TNS1: variants seen among roughly 807,000 people sequenced by gnomAD.
The protein encoded by TNS1 is tensin-1.
Under a neutral mutation model 168.6 loss-of-function variants are expected in TNS1, and 62 were observed. The observed-to-expected ratio is 0.37, with a 90% CI of 0.30 to 0.45. The LOEUF (loss-of-function observed/expected upper bound fraction) is 0.45. Among genes scored for constraint, TNS1 ranks in the 20% least tolerant of loss-of-function variants. The pLI is 1.00. For synonymous variants in TNS1, 934 were observed against 933.2 expected, an observed-to-expected ratio of 1.00 and a Z score of -0.02; for missense variants, 2,240 against 2,339.4, an observed-to-expected ratio of 0.96 and a Z score of 0.88.
chr2:217,940,284 G>C (rs1312381226), intron 3 of TNS1, among the ~76,000 whole-genome samples: 3 of 152,200 alleles, frequency 2.0e-5, no homozygotes, highest in Non-Finnish European at 4.4e-5. Flanking sequence ...TTATTTGGAG[G>C]CTGGTAACTG....
At chr2:217,895,147 G>T (rs1408127178) in intron 8 of TNS1, 91 bp from the exon 9 acceptor site, 1 of 1,317,076 alleles carries the variant, frequency 7.6e-7, no homozygotes, top group South Asian at 1.3e-5. Flanking sequence ...GTCCCAGAAA[G>T]GACCGTGGCA....
rs867725120 is a variant in TNS1, at chr2:217,966,674, A to G, written c.186+12091T>C. Among the ~76,000 whole-genome samples, 22 of 152,312 alleles carry G rather than the reference A, an allele frequency of 1.4e-4. No individual in the cohort carries two copies. The Middle Eastern group carries it at 0.01, about 71-fold the overall frequency. Reference sequence around the variant, plus strand: ...GGGCAGGAGTATGCTGAACAGGCTCACCAAGCGATGCTGAGGCTCACTGAA... The same window carrying G: ...GGGCAGGAGTATGCTGAACAGGCTCGCCAAGCGATGCTGAGGCTCACTGAA... On this transcript the variant is annotated intron_variant, in intron 3 of 32. Coordinates refer to ENST00000682258, the MANE Select transcript of TNS1 (RefSeq NM_001387777.1).
intron 3 of TNS1, among the ~76,000 whole-genome samples, chr2:217,943,425 C>T (rs1310853746): frequency 6.6e-6 from 1 of 152,160 alleles, no homozygotes; most frequent in Non-Finnish European, 1.5e-5. Flanking sequence ...AATACTCATC[C>T]CCCTGCAATG....
At chr2:217,944,858 G>T (rs1957063963) in intron 3 of TNS1, among the ~76,000 whole-genome samples, 1 of 152,128 alleles carries the variant, frequency 6.6e-6, no homozygotes, top group Non-Finnish European at 1.5e-5. Context: ...AAAAATAATG[G>T]GGGAAGTGAT....
intron 7 of TNS1, among the ~76,000 whole-genome samples, chr2:217,899,521 G>T (rs1465166147): frequency 1.3e-5 from 2 of 152,146 alleles, no homozygotes; most frequent in Admixed American, 1.3e-4. Context: ...ACCCCTCTCT[G>T]TTCTGGCTCC....
chr2:217,835,269 C>T (rs2125320047), intron 20 of TNS1, 103 bp from the exon 21 acceptor site: 2 of 1,087,662 alleles, frequency 1.8e-6, no homozygotes, highest in Non-Finnish European at 2.6e-6. Flanking sequence ...CCAGCCCCCA[C>T]ATCCCCTCGT....
At position 217,818,128 on chromosome 2, in the gene TNS1, G is replaced by A. The variant is rs1942207425; in HGVS notation, c.4204C>T (p.Pro1402Ser). Reference protein sequence around the residue: ...HSNAIASPGSPSLGRHLGGSG... With the variant: ...HSNAIASPGSSSLGRHLGGSG... ...CCTCCGAGGTGACGGCCCAGGCTGG[G>A]GCTTCCAGGGCTGGCTATTGCATTG... Residue 1402 changes from proline (P) to serine (S), a missense_variant, in exon 24 of 33, where the codon CCC (proline) becomes TCC (serine). Coordinates refer to ENST00000682258, the MANE Select transcript of TNS1 (RefSeq NM_001387777.1). 1.2e-6 allele frequency: 2 copies of A among 1,613,986 alleles called. No individual in the cohort carries two copies. Among genetic ancestry groups the A allele is most frequent in the Non-Finnish European group, 1.7e-6 (2 of 1,179,972 alleles).
chr2:217,923,825 G>A (rs933155877), intron 3 of TNS1, among the ~76,000 whole-genome samples: 2 of 152,194 alleles, frequency 1.3e-5, no homozygotes, highest in African/African-American at 2.4e-5. Flanking sequence ...GCTGCGAGGT[G>A]GAGCCCCGTG....
At chr2:217,921,850 G>A (rs988835465) in intron 3 of TNS1, among the ~76,000 whole-genome samples, 2 of 152,260 alleles carry the variant, frequency 1.3e-5, no homozygotes, top group Admixed American at 1.3e-4. Flanking sequence ...AACCCAGTAA[G>A]GTGGGTTACT....
At chr2:217,808,528 T>C (rs868549872) in intron 31 of TNS1, 75 bp downstream of exon 31, 25 of 1,289,884 alleles carry the variant, frequency 1.9e-5, no homozygotes, top group Middle Eastern at 1.9e-4. Context: ...CACACACACA[T>C]GCACATGCAT....
chr2:217,816,330 A>G (rs1043191593), intron 24 of TNS1, among the ~76,000 whole-genome samples: 1 of 152,208 alleles, frequency 6.6e-6, no homozygotes, highest in Non-Finnish European at 1.5e-5. Context: ...TCAGAGACAG[A>G]AGTTGGCATG....
intron 3 of TNS1, among the ~76,000 whole-genome samples, chr2:217,929,703 C>G (rs950072459): frequency 1.2e-3 from 177 of 150,080 alleles, no homozygotes; most frequent in African/African-American, 4.0e-3. Context: ...CTCCACCCCC[C>G]ACCCGCCCCG....
At chr2:217,992,128 AG>A (rs1466267492) in intron 1 of TNS1, among the ~76,000 whole-genome samples, 2 of 151,836 alleles carry the variant, frequency 1.3e-5, no homozygotes, top group African/African-American at 4.8e-5. Flanking sequence ...ACTGCGGGGC[AG>A]GGGGGCCTAT....
chr2:217,818,733 C>T lies in TNS1; in HGVS notation c.3599G>A (p.Gly1200Glu). Residue 1200 changes from glycine (G) to glutamate (E), a missense_variant, in exon 24 of 33, where the codon GGA becomes GAA. Physicochemically the swap from Gly to Glu is moderately conservative, Grantham distance 98. Coordinates refer to ENST00000682258, the MANE Select transcript of TNS1 (RefSeq NM_001387777.1). ...CCGGGGACCCTGGTCACTGCTCTCT[C>T]CCGACGGGAAACTCCCCACTGAAGT... ...DSTSVGSFPS[G>E]ESSDQGPRTP... The T allele has an allele frequency of 6.2e-7, 1 of 1,612,540 alleles. No individual in the cohort carries two copies. Among genetic ancestry groups the T allele is most frequent in the Non-Finnish European group, 8.5e-7 (1 of 1,179,248 alleles).
intron 1 of TNS1, among the ~76,000 whole-genome samples, chr2:217,994,562 A>C (rs575716604): frequency 7.2e-5 from 11 of 152,166 alleles, no homozygotes; most frequent in Admixed American, 7.2e-4. Context: ...CCCAAACCCT[A>C]GGGATATAGG....
chr2:217,818,227 T>C lies in TNS1; in HGVS notation c.4105A>G (p.Thr1369Ala). The C allele has an allele frequency of 6.2e-7, 1 of 1,613,752 alleles. No individual in the cohort carries two copies. Among genetic ancestry groups the C allele is most frequent in the Non-Finnish European group, 8.5e-7 (1 of 1,179,864 alleles). ...CCCAGGCTGGGACTCCCCGGGGTGG[T>C]GGCCACTTTGTTGTGGAGGCCAGAA... is the stretch of plus-strand genomic sequence containing the variant. ...QVSGLHNKVATTPGSPSLGRH... is the reference protein window; with the variant it reads ...QVSGLHNKVAATPGSPSLGRH... The change falls in exon 24 of 33, where the codon ACC (threonine) becomes GCC (alanine). Residue 1369 changes from threonine to alanine, a missense_variant. By Grantham distance (58) the Thr-to-Ala change is moderately conservative (BLOSUM62 0). This residue lies in a region of TNS1 where 2,131 missense variants were observed against 2,171.2 expected (regional missense o/e 0.98). Coordinates refer to ENST00000682258, the MANE Select transcript of TNS1 (RefSeq NM_001387777.1).
At chr2:217,997,556 G>T (rs920621621) in intron 1 of TNS1, among the ~76,000 whole-genome samples, 1 of 152,174 alleles carries the variant, frequency 6.6e-6, no homozygotes, top group Non-Finnish European at 1.5e-5. Context: ...TTCTGGGGAG[G>T]AATATGATTA....
rs189080715 is a variant in TNS1 at position 217,834,976 on chromosome 2, C to T, written c.3280+115G>A. On this transcript the variant is annotated intron_variant, in intron 21 of 32. Transcript: ENST00000682258. ...GGAGTGAGGAGCAGCACGTTCTGGC[C>T]CCACCTGGGGCACTGTCACCCCCAA... 177 of 848,434 alleles carry T rather than the reference C, an allele frequency of 2.1e-4. 2 individuals carry two copies. The South Asian group carries it at 2.1e-3, about 10-fold the overall frequency. The allele number at this position is 848,434 out of a possible 1,614,324, so 52.6% of individuals were successfully genotyped here.
chr2:217,805,862 G>A (rs1055470395), intron 32 of TNS1, among the ~76,000 whole-genome samples: 15 of 106,754 alleles, frequency 1.4e-4, no homozygotes, highest in East Asian at 8.6e-4. Context: ...CACACAACAC[G>A]CAAACACAAC....
Sources: allele counts gnomAD v4.1 joint callset (sites outside exome capture counted in the v4.1 genomes callset), GRCh38; gene constraint gnomAD v4.1.1; regional missense constraint gnomAD v4.1.1; transcripts MANE v1.5; gene names NCBI Gene and HGNC (gene_info 2026-07-23, HGNC 2026-07-21).